Variants in ACTN4 observed in about 807,000 individuals in gnomAD.
ACTN4 encodes actinin alpha 4.
Under a neutral mutation model 114.2 loss-of-function variants are expected in ACTN4, and 18 were observed. The ratio of observed to expected loss-of-function variants is 0.16; its 90% CI spans 0.11 to 0.23. The LOEUF (loss-of-function observed/expected upper bound fraction) is 0.23. Among genes scored for constraint, ACTN4 ranks in the 10% least tolerant of loss-of-function variants. The pLI, the probability that ACTN4 is intolerant of heterozygous loss-of-function variation, is 1.00. For synonymous variants in ACTN4, 515 were observed against 506.3 expected (o/e 1.02, Z -0.23); for missense variants, 722 against 1,262.9 (o/e 0.57, Z 6.49).
chr19:38,703,541 C>T (rs1599824850), intron 3 of ACTN4, among the ~76,000 whole-genome samples: 2 of 152,256 alleles, frequency 1.3e-5, no homozygotes, highest in East Asian at 3.9e-4. Context: ...CACAGCCGGC[C>T]GCAAATGTTT....
intron 1 of ACTN4, among the ~76,000 whole-genome samples, chr19:38,656,827 A>G (rs1976726196): frequency 6.6e-6 from 1 of 152,050 alleles, no homozygotes; most frequent in Admixed American, 6.6e-5. Flanking sequence ...CTAGCTTTCT[A>G]GTGGGTTTTT....
chr19:38,712,312 C>T (rs754267397), intron 8 of ACTN4, among the ~76,000 whole-genome samples: 2 of 152,176 alleles, frequency 1.3e-5, no homozygotes, highest in Non-Finnish European at 2.9e-5. Flanking sequence ...CATTACCTAC[C>T]GTCAGTCTGG....
chr19:38,677,678 G>C (rs139024741), intron 1 of ACTN4, among the ~76,000 whole-genome samples: 1 of 152,158 alleles, frequency 6.6e-6, no homozygotes, highest in East Asian at 1.9e-4. Context: ...TCAGCCAGCT[G>C]TCCTGAGTTC....
chr19:38,694,902 T>C (rs1317478997), intron 1 of ACTN4, among the ~76,000 whole-genome samples: 2 of 151,974 alleles, frequency 1.3e-5, no homozygotes. Flanking sequence ...TGAGACAGGG[T>C]CTGGCTCTGT....
chr19:38,708,251 A>G, intron 6 of ACTN4, 56 bp downstream of exon 6: 1 of 1,566,152 alleles, frequency 6.4e-7, no homozygotes, highest in Non-Finnish European at 8.8e-7. Context: ...CTGACCCCCT[A>G]ACTCCGGGTC....
At position 38,679,170 on chromosome 19, in the gene ACTN4, A is replaced by G. The variant is rs977479528; in HGVS notation, c.163-21430A>G. On this transcript the variant is annotated intron_variant, in intron 1 of 20. Transcript: ENST00000252699. ...TTGGCTATTGGCCTGGGCGCAGTTT[A>G]TGTGTAAGCCTTTCCTTGTGGATTC... 6.6e-5 allele frequency among the ~76,000 whole-genome samples: 10 copies of G among 152,304 alleles called. No homozygotes were observed. In the East Asian group the frequency reaches 1.9e-3, roughly 29 times the overall value.
chr19:38,706,280 G>A (rs556220518), intron 5 of ACTN4, 149 bp downstream of exon 5: 2 of 825,574 alleles, frequency 2.4e-6, no homozygotes, highest in East Asian at 5.4e-5. Context: ...ACAAGCCCAT[G>A]GGAAGGTCAC....
In ACTN4 at chr19:38,666,378, G is replaced by A. The variant is rs556868322; in HGVS notation, c.162+18471G>A. Among the ~76,000 whole-genome samples, 8 of 152,356 alleles carry A rather than the reference G, an allele frequency of 5.3e-5. No homozygotes were observed. The East Asian group carries it at 1.5e-3, about 29-fold the overall frequency. ...ACCGATGGGGGCTGGGGGTGGGGCG[G>A]TGCAGCCTTGTTCAGGAGCTGCCCA... On this transcript the variant is annotated intron_variant, in intron 1 of 20. Coordinates refer to ENST00000252699, the MANE Select transcript of ACTN4 (RefSeq NM_004924.6).
Position 38,702,260 on chromosome 19 carries a change from CA to C in ACTN4, c.397+1142del, listed in dbSNP as rs1363194459. 6.6e-5 allele frequency among the ~76,000 whole-genome samples: 10 copies of C among 152,324 alleles called. No homozygotes were observed. In the South Asian group the frequency reaches 2.1e-3, roughly 32 times the overall value. ...TCTAAAAATGTTCTCTGTTCATGCC[CA>C]AATTGGTTCACTCCCAATCCCTGTG... On this transcript the variant is annotated intron_variant, in intron 3 of 20. Transcript: ENST00000252699.
Position 38,730,176 on chromosome 19 carries a change from G to GAATT in ACTN4, c.*747_*750dup, listed in dbSNP as rs958633968. ...AAACAAAAAAACTATAAAAAAGAAA[G>GAATT]AATTAAAAACTTTCAGAGAATTACT... is the stretch of plus-strand genomic sequence containing the variant. On this transcript the variant is annotated 3_prime_UTR_variant, in exon 21 of 21. Coordinates refer to ENST00000252699, the MANE Select transcript of ACTN4 (RefSeq NM_004924.6). 2.3e-5 allele frequency: 3 copies of GAATT among 131,924 alleles called. No individual in the cohort carries two copies. The highest frequency in any genetic ancestry group is 9.0e-5 in the African/African-American group (3 of 33,384). The allele number at this position is 131,924 out of a possible 1,614,324, so 8.2% of individuals were successfully genotyped here.
chr19:38,726,879 C>A (rs1011378258), intron 17 of ACTN4, 78 bp from the exon 18 acceptor site: 1 of 1,594,382 alleles, frequency 6.3e-7, no homozygotes, highest in African/African-American at 1.3e-5. Flanking sequence ...GAGGACAGTT[C>A]ACAGTCCTCC....
intron 1 of ACTN4, among the ~76,000 whole-genome samples, chr19:38,699,115 A>G (rs574413088): frequency 2.2e-4 from 33 of 152,166 alleles, no homozygotes; most frequent in Non-Finnish European, 4.0e-4. Context: ...GTCCTGTTGC[A>G]GGAGGGTGCG....
chr19:38,690,943 C>G (rs972262493), intron 1 of ACTN4, among the ~76,000 whole-genome samples: 3 of 152,190 alleles, frequency 2.0e-5, no homozygotes, highest in African/African-American at 7.2e-5. Flanking sequence ...ATGCCGCAAC[C>G]TGATTCCACT....
rs1568758732 is a variant in ACTN4, at chr19:38,730,408, TTGA to T, written c.*979_*981del. 1 of 184,662 alleles carries T rather than the reference TTGA, an allele frequency of 5.4e-6. No homozygotes were observed. Among genetic ancestry groups the T allele is most frequent in the East Asian group, 1.5e-4 (1 of 6,790 alleles). 11.4% of individuals were successfully genotyped at this position (184,662 alleles called of 1,614,324 possible). Reference sequence around the variant, plus strand: ...GGCTGATGGCCTGGCTGCCTGGTGGTTGATGGTTTTGCTCCCCCTACCTTTTTT... The same window carrying T: ...GGCTGATGGCCTGGCTGCCTGGTGGTTGGTTTTGCTCCCCCTACCTTTTTT... On this transcript the variant is annotated 3_prime_UTR_variant, in exon 21 of 21. Coordinates refer to ENST00000252699, the MANE Select transcript of ACTN4 (RefSeq NM_004924.6).
chr19:38,729,500 A>T lies in ACTN4; in HGVS notation c.*68A>T. On this transcript the variant is annotated 3_prime_UTR_variant, in exon 21 of 21. Coordinates refer to ENST00000252699, the MANE Select transcript of ACTN4 (RefSeq NM_004924.6). ...GGGGCCTGGGCAGCCCCACAGTCCC[A>T]TTCCTCCACTCTGTATCTATGCAAA... 1 of 1,311,396 alleles carries T rather than the reference A, an allele frequency of 7.6e-7. No individual in the cohort carries two copies. Among genetic ancestry groups the T allele is most frequent in the Non-Finnish European group, 1.0e-6 (1 of 994,262 alleles). The allele number at this position is 1,311,396 out of a possible 1,614,324, so 81.2% of individuals were successfully genotyped here. A position where few individuals can be genotyped will look rare whatever the true frequency, so the allele number is the denominator to read the frequency against.
chr19:38,688,732 C>T (rs1372898265), intron 1 of ACTN4, among the ~76,000 whole-genome samples: 1 of 150,136 alleles, frequency 6.7e-6, no homozygotes. Flanking sequence ...AACCCTAAAA[C>T]AAAAAAAAAC....
intron 1 of ACTN4, among the ~76,000 whole-genome samples, chr19:38,669,897 A>AG (rs1967078307): frequency 6.6e-6 from 1 of 152,098 alleles, no homozygotes; most frequent in Admixed American, 6.6e-5. Context: ...TGGGGGAAGG[A>AG]GGGAGAGGCA....
At chr19:38,703,521 C>T (rs1459766531) in intron 3 of ACTN4, among the ~76,000 whole-genome samples, 5 of 152,144 alleles carry the variant, frequency 3.3e-5, no homozygotes, top group Non-Finnish European at 7.4e-5. Context: ...ACTAAACAGG[C>T]GTGAGCCACC....
Position 38,723,690 on chromosome 19 carries a change from T to C in ACTN4, c.1519T>C (p.Ser507Pro), listed in dbSNP as rs1327635060. The change falls in exon 13 of 21, where the codon TCT (serine) becomes CCT (proline). Residue 507 changes from serine (S) to proline (P), a missense_variant. Ser to Pro is a moderately conservative substitution (Grantham distance 74). Coordinates refer to ENST00000252699, the MANE Select transcript of ACTN4 (RefSeq NM_004924.6). ...KICDQWDALG[S>P]LTHSRREALE... ...CTGTGACCAGTGGGACGCCCTCGGC[T>C]CTCTGACACATAGTCGCAGGGAAGC... 1.2e-6 allele frequency: 2 copies of C among 1,612,966 alleles called. No individual in the cohort carries two copies. The highest frequency in any genetic ancestry group is 2.2e-5 in the South Asian group (2 of 90,888).
Sources: gnomAD v4.1 joint callset for allele counts (sites outside exome capture counted in the v4.1 genomes callset) on GRCh38, gnomAD v4.1.1 for gene constraint, MANE v1.5 for transcripts, NCBI Gene and HGNC (gene_info 2026-07-23, HGNC 2026-07-21) for gene names.